TUBAL3: variants seen among roughly 807,000 people sequenced by gnomAD.
The protein encoded by TUBAL3 is tubulin alpha like 3.
A neutral mutation model predicts 15.5 loss-of-function variants in TUBAL3; 16 were observed. The observed-to-expected ratio is 1.04, with a 90% confidence interval of 0.70 to 1.57. TUBAL3 has a LOEUF of 1.57. Ranked by LOEUF, TUBAL3 falls within the 40% of genes most tolerant of loss-of-function variation. The pLI, the probability that TUBAL3 is intolerant of heterozygous loss-of-function variation, is 0.00. For synonymous variants in TUBAL3, 238 were observed against 224.3 expected (o/e 1.06, Z -0.55); for missense variants, 609 against 576.2 (o/e 1.06, Z -0.58).
intron 2 of TUBAL3, among the ~76,000 whole-genome samples, chr10:5,398,489 C>T (rs560892695): frequency 3.1e-4 from 46 of 149,202 alleles, no homozygotes; most frequent in Non-Finnish European, 5.6e-4. Context: ...GTCCAAGCTA[C>T]TCAGGACCCC....
rs1831714833 is a variant in TUBAL3 at position 5,393,800 on chromosome 10, C to A, written c.1058G>T (p.Trp353Leu). The A allele has an allele frequency of 6.2e-7, 1 of 1,614,070 alleles. No homozygotes were observed. The highest frequency in any genetic ancestry group is 1.7e-5 in the Admixed American group (1 of 60,008). ...KSRHSVQFVD[W>L]CPTGFKVGIN... ...GCCCACCTTGAAACCAGTTGGACAC[C>A]AATCTACAAACTGAACAGAGTGCCT... is the stretch of plus-strand genomic sequence containing the variant. The change falls in exon 4 of 4, where the codon TGG (tryptophan) becomes TTG (leucine). Residue 353 changes from tryptophan (W) to leucine (L), a missense_variant. Transcript: ENST00000380419.
In TUBAL3 at chr10:5,404,817, C is replaced by T; in HGVS notation, c.-25G>A. 6.2e-7 allele frequency: 1 copy of T among 1,612,956 alleles called. No individual in the cohort carries two copies. The highest frequency in any genetic ancestry group is 8.5e-7 in the Non-Finnish European group (1 of 1,179,250). On this transcript the variant is annotated 5_prime_UTR_variant, in exon 1 of 4. Transcript: ENST00000380419. Reference sequence around the variant, plus strand: ...TGCTGATGAGAACGTGCCCTTCCTGCCCTGTAGTAATGACTGAGGAGCCTC... The same window carrying T: ...TGCTGATGAGAACGTGCCCTTCCTGTCCTGTAGTAATGACTGAGGAGCCTC...
At position 5,397,697 on chromosome 10, in the gene TUBAL3, C is replaced by G. The variant is rs781948598; in HGVS notation, c.248-2222G>C. Among the ~76,000 whole-genome samples, 1 of 152,180 alleles carries G rather than the reference C, an allele frequency of 6.6e-6. No homozygotes were observed. The highest frequency in any genetic ancestry group is 1.5e-5 in the Non-Finnish European group (1 of 68,022). ...GACATCAATGGCTTTTGAACAATTA[C>G]ATGATGGCTCCTTAGCTTCCTTAAC... On this transcript the variant is annotated intron_variant, in intron 2 of 3. Transcript: ENST00000380419. The surrounding 1 kb of genome is among the most constrained non-coding windows in gnomAD (Gnocchi z 4.9).
rs782231986 is a variant in TUBAL3 at position 5,396,157 on chromosome 10, C to T, written c.248-682G>A. Among the ~76,000 whole-genome samples the T allele has an allele frequency of 1.3e-5, 2 of 152,284 alleles. No homozygotes were observed. Among genetic ancestry groups the T allele is most frequent in the Middle Eastern group, 3.4e-3 (1 of 294 alleles). On this transcript the variant is annotated intron_variant, in intron 2 of 3. Transcript: ENST00000380419. The surrounding 1 kb of genome is among the most constrained non-coding windows in gnomAD (Gnocchi z 5.1). Reference sequence around the variant, plus strand: ...CACTGCCCACCCTAGGACACATTGGCATTTTGAGACAAGTATTTTTATCTA... The same window carrying T: ...CACTGCCCACCCTAGGACACATTGGTATTTTGAGACAAGTATTTTTATCTA...
chr10:5,398,195 T>C, intron 2 of TUBAL3, among the ~76,000 whole-genome samples: 1 of 151,606 alleles, frequency 6.6e-6, no homozygotes, highest in East Asian at 1.9e-4. Flanking sequence ...CCGAGGCAGG[T>C]GGATTACTGG....
chr10:5,398,257 C>A (rs1831795169), intron 2 of TUBAL3, among the ~76,000 whole-genome samples: 2 of 151,876 alleles, frequency 1.3e-5, no homozygotes, highest in African/African-American at 2.4e-5. Flanking sequence ...CCTGTCTCTA[C>A]TAAAAATACA....
In TUBAL3 at chr10:5,393,113, T is replaced by G. The variant is rs539647765; in HGVS notation, c.*404A>C. 2.5e-5 allele frequency: 4 copies of G among 160,104 alleles called. No homozygotes were observed. The highest frequency in any genetic ancestry group is 9.5e-5 in the African/African-American group (4 of 41,920). The allele number at this position is 160,104 out of a possible 1,614,324, so 9.9% of individuals were successfully genotyped here. On this transcript the variant is annotated 3_prime_UTR_variant, in exon 4 of 4. Transcript: ENST00000380419. ...AGAATAAGAATCATACTGAAAATAT[T>G]TATGATTTAATCAGTGTAAAAAATG... is the stretch of plus-strand genomic sequence containing the variant.
At position 5,401,035 on chromosome 10, in the gene TUBAL3, G is replaced by C; in HGVS notation, c.56C>G (p.Ala19Gly). ...TTCCAGGCAATAGAGTTCCCAGCAG[G>C]CGTCCCCAATCTGGATGCCAGCTTG... ...IGQAGIQIGD[A>G]CWELYCLEHG... Residue 19 changes from alanine (A) to glycine (G), a missense_variant, in exon 2 of 4, where the codon GCC (alanine) becomes GGC (glycine). Coordinates refer to ENST00000380419, the MANE Select transcript of TUBAL3 (RefSeq NM_024803.3). 1 of 1,614,184 alleles carries C rather than the reference G, an allele frequency of 6.2e-7. No individual in the cohort carries two copies. The highest frequency in any genetic ancestry group is 8.5e-7 in the Non-Finnish European group (1 of 1,180,028).
At position 5,397,038 on chromosome 10, in the gene TUBAL3, A is replaced by G. The variant is rs150166050; in HGVS notation, c.248-1563T>C. Among the ~76,000 whole-genome samples, 1 of 152,316 alleles carries G rather than the reference A, an allele frequency of 6.6e-6. No individual in the cohort carries two copies. The highest frequency in any genetic ancestry group is 2.4e-5 in the African/African-American group (1 of 41,570). The stretch of plus-strand genomic sequence containing the variant: ...ACATAGGGCACAACGCACGGCCCAT[A>G]TAACAACAGCAATTATAAGTAACAA... On this transcript the variant is annotated intron_variant, in intron 2 of 3. Transcript: ENST00000380419. The surrounding 1 kb of genome is among the most constrained non-coding windows in gnomAD (Gnocchi z 4.9).
At chr10:5,402,271 G>A (rs1252797463) in intron 1 of TUBAL3, among the ~76,000 whole-genome samples, 1 of 151,856 alleles carries the variant, frequency 6.6e-6, no homozygotes, top group African/African-American at 2.4e-5. Context: ...AATGATCTAC[G>A]TTTTTAAGAG....
rs569539101 is a variant in TUBAL3 at position 5,394,843 on chromosome 10, A to G, written c.397-382T>C. 6.6e-6 allele frequency among the ~76,000 whole-genome samples: 1 copy of G among 152,206 alleles called. No individual in the cohort carries two copies. The highest frequency in any genetic ancestry group is 1.5e-5 in the Non-Finnish European group (1 of 68,024). ...GGCATGCTGGTGTAAAAGGTGTTGT[A>G]GTAGCTAACAAATATGACAAACACC... On this transcript the variant is annotated intron_variant, in intron 3 of 3. Coordinates refer to ENST00000380419, the MANE Select transcript of TUBAL3 (RefSeq NM_024803.3). This position sits in a 1 kb window ranked among gnomAD's most constrained non-coding sequence, Gnocchi z 4.3.
intron 1 of TUBAL3, among the ~76,000 whole-genome samples, chr10:5,401,843 A>G (rs1338668200): frequency 6.6e-6 from 1 of 152,206 alleles, no homozygotes; most frequent in African/African-American, 2.4e-5. Flanking sequence ...ATGTAGGCTG[A>G]TGGCATTCAC....
chr10:5,399,851 C>T (rs782219060), intron 2 of TUBAL3, among the ~76,000 whole-genome samples: 6 of 152,178 alleles, frequency 3.9e-5, no homozygotes, highest in East Asian at 1.9e-4. Context: ...GGAGCACAGG[C>T]GAGCTGTCAC....
chr10:5,396,983 CA>C lies in TUBAL3; in HGVS notation c.248-1509del, dbSNP rs1484100666. 7.2e-5 allele frequency among the ~76,000 whole-genome samples: 11 copies of C among 152,192 alleles called. No individual in the cohort carries two copies. The highest frequency in any genetic ancestry group is 7.2e-4 in the Admixed American group (11 of 15,280). The stretch of plus-strand genomic sequence containing the variant: ...TTTAGCTCATAAATAAGGATTATAA[CA>C]AGATCTACCCCATTGAGCTGTTACG... On this transcript the variant is annotated intron_variant, in intron 2 of 3. Transcript: ENST00000380419. This position sits in a 1 kb window ranked among gnomAD's most constrained non-coding sequence, Gnocchi z 5.1.
In TUBAL3 at chr10:5,404,820, T is replaced by A; in HGVS notation, c.-28A>T. The A allele has an allele frequency of 6.2e-7, 1 of 1,612,972 alleles. No individual in the cohort carries two copies. Among genetic ancestry groups the A allele is most frequent in the Non-Finnish European group, 8.5e-7 (1 of 1,179,236 alleles). ...TGATGAGAACGTGCCCTTCCTGCCC[T>A]GTAGTAATGACTGAGGAGCCTCCCA... On this transcript the variant is annotated 5_prime_UTR_variant, in exon 1 of 4. Coordinates refer to ENST00000380419, the MANE Select transcript of TUBAL3 (RefSeq NM_024803.3).
rs1554813650 is a variant in TUBAL3, at chr10:5,393,259, T to C, written c.*258A>G. The stretch of plus-strand genomic sequence containing the variant: ...CTTGGTAAAACAAAAAAATCCCACC[T>C]AGAAGTGACTCAGCAGTTCAAAGGA... On this transcript the variant is annotated 3_prime_UTR_variant, in exon 4 of 4. Transcript: ENST00000380419. The C allele has an allele frequency of 5.1e-6, 2 of 389,868 alleles. No individual in the cohort carries two copies. The highest frequency in any genetic ancestry group is 7.7e-5 in the East Asian group (2 of 25,890). The allele number at this position is 389,868 out of a possible 1,614,324, so 24.2% of individuals were successfully genotyped here.
In TUBAL3 at chr10:5,395,232, G is replaced by A; in HGVS notation, c.396+95C>T. The stretch of plus-strand genomic sequence containing the variant: ...CAGAGCCCAGGGAGAGACGGTTGGT[G>A]GCGATGGTGACAGCAGATAATGCTT... On this transcript the variant is annotated intron_variant, in intron 3 of 3. Coordinates refer to ENST00000380419, the MANE Select transcript of TUBAL3 (RefSeq NM_024803.3). The surrounding 1 kb of genome is among the most constrained non-coding windows in gnomAD (Gnocchi z 4.6). The A allele has an allele frequency of 7.7e-7, 1 of 1,291,086 alleles. No individual in the cohort carries two copies. The highest frequency in any genetic ancestry group is 1.0e-6 in the Non-Finnish European group (1 of 977,492). The allele number at this position is 1,291,086 out of a possible 1,614,324, so 80.0% of individuals were successfully genotyped here. A position where few individuals can be genotyped will look rare whatever the true frequency, so the allele number is the denominator to read the frequency against.
In TUBAL3 at chr10:5,396,598, C is replaced by T. The variant is rs782600236; in HGVS notation, c.248-1123G>A. Among the ~76,000 whole-genome samples the T allele has an allele frequency of 5.3e-5, 8 of 152,200 alleles. No individual in the cohort carries two copies. Among genetic ancestry groups the T allele is most frequent in the East Asian group, 3.8e-4 (2 of 5,198 alleles). On this transcript the variant is annotated intron_variant, in intron 2 of 3. Transcript: ENST00000380419. This position sits in a 1 kb window ranked among gnomAD's most constrained non-coding sequence, Gnocchi z 5.1. ...AAAAGAGGATTTAACAGGGAAGGCA[C>T]GGCAAACTCAAATGCCCACACGACC...
At chr10:5,404,742 T>C in intron 1 of TUBAL3, 48 bp downstream of exon 1, 1 of 1,605,912 alleles carries the variant, frequency 6.2e-7, no homozygotes, top group Non-Finnish European at 8.5e-7. Flanking sequence ...GGGCCAAATA[T>C]GATTAGTAAA....
Sources: gnomAD v4.1 joint callset for allele counts (sites outside exome capture counted in the v4.1 genomes callset) on GRCh38, gnomAD v4.1.1 for gene constraint, Gnocchi (gnomAD v3.1) non-coding constraint, MANE v1.5 for transcripts, NCBI Gene and HGNC (gene_info 2026-07-23, HGNC 2026-07-21) for gene names.